The following AXDND1 variants were observed in gnomAD, a reference collection of about 807,000 sequenced individuals.
The protein encoded by AXDND1 is axonemal dynein light chain domain-containing protein 1.
Under a neutral mutation model 137.5 loss-of-function variants are expected in AXDND1, and 110 were observed. That is an observed-to-expected ratio of 0.80 (90% CI 0.69 to 0.94). The LOEUF (loss-of-function observed/expected upper bound fraction) is 0.94. Ranked by LOEUF, AXDND1 falls within the 40% of genes least tolerant of loss-of-function variation. The probability of loss-of-function intolerance (pLI) is 0.00; values close to 1 mark genes in which losing one functional copy is unlikely to be tolerated. For missense variants in AXDND1, 1,191 were observed against 1,169.8 expected (o/e 1.02, Z -0.26); for synonymous variants, 414 against 399.7 (o/e 1.04, Z -0.43).
chr1:179,458,419 A>G (rs368223804), intron 16 of AXDND1, among the ~76,000 whole-genome samples: 1 of 152,218 alleles, frequency 6.6e-6, no homozygotes, highest in African/African-American at 2.4e-5. Context: ...AACCCAGAAA[A>G]CCATAATGTC....
intron 18 of AXDND1, among the ~76,000 whole-genome samples, chr1:179,486,343 T>A (rs1034263017): frequency 3.3e-5 from 5 of 151,966 alleles, no homozygotes; most frequent in African/African-American, 1.2e-4. Flanking sequence ...AAATATCAAA[T>A]ATACAACTCA....
At chr1:179,366,643 G>A (rs752069470) in intron 2 of AXDND1, 37 bp downstream of exon 2, 74 of 1,531,992 alleles carry the variant, frequency 4.8e-5, no homozygotes, top group Non-Finnish European at 6.5e-5. Context: ...AAACAGTCAT[G>A]GCCGTAAGAC....
chr1:179,369,720 G>A (rs889076051), intron 3 of AXDND1, among the ~76,000 whole-genome samples: 1 of 152,018 alleles, frequency 6.6e-6, no homozygotes, highest in African/African-American at 2.4e-5. Context: ...TGTTTCCAAG[G>A]CTTGAGTATT....
chr1:179,366,654 A>G, intron 2 of AXDND1, 48 bp downstream of exon 2: 1 of 1,477,444 alleles, frequency 6.8e-7, no homozygotes, highest in Non-Finnish European at 9.4e-7. Context: ...GCCGTAAGAC[A>G]GAAATCACCT....
intron 16 of AXDND1, chr1:179,451,456 A>G (rs942800878): frequency 2.0e-5 from 3 of 152,138 alleles, no homozygotes; most frequent in Non-Finnish European, 4.4e-5. Context: ...TTCTTGGTCA[A>G]ACTAGCTAAA....
intron 6 of AXDND1, among the ~76,000 whole-genome samples, chr1:179,379,755 C>A (rs1210281820): frequency 7.1e-6 from 1 of 140,008 alleles, no homozygotes; most frequent in Non-Finnish European, 1.5e-5. Context: ...AAGATTGCAC[C>A]ATTACACTCC....
intron 25 of AXDND1, among the ~76,000 whole-genome samples, chr1:179,541,010 C>T (rs1048562397): frequency 5.9e-5 from 9 of 152,126 alleles, no homozygotes; most frequent in Admixed American, 3.3e-4. Flanking sequence ...TCAGCAATAG[C>T]GAACGCTCTT....
intron 17 of AXDND1, among the ~76,000 whole-genome samples, chr1:179,480,862 A>G (rs1665276783): frequency 6.6e-6 from 1 of 151,448 alleles, no homozygotes; most frequent in African/African-American, 2.4e-5. Context: ...CCAAGCTGTT[A>G]AACTTCACTA....
intron 9 of AXDND1, among the ~76,000 whole-genome samples, chr1:179,387,411 A>C (rs1260943596): frequency 6.6e-6 from 1 of 152,164 alleles, no homozygotes; most frequent in Non-Finnish European, 1.5e-5. Flanking sequence ...TCCTGCAATA[A>C]TGGCATTAGT....
chr1:179,391,161 G>A (rs1650124633), intron 9 of AXDND1, among the ~76,000 whole-genome samples: 1 of 146,806 alleles, frequency 6.8e-6, no homozygotes, highest in Non-Finnish European at 1.5e-5. Flanking sequence ...CTTTTGGAAT[G>A]TCTGTTTACT....
intron 18 of AXDND1, among the ~76,000 whole-genome samples, chr1:179,488,346 G>GTA (rs1666319521): frequency 6.7e-6 from 1 of 148,496 alleles, no homozygotes; most frequent in Admixed American, 6.6e-5. Flanking sequence ...CCTCTCCATA[G>GTA]TATAAGTTTC....
intron 9 of AXDND1, 33 bp downstream of exon 9, chr1:179,385,392 T>C: frequency 6.2e-7 from 1 of 1,612,124 alleles, no homozygotes; most frequent in Non-Finnish European, 8.5e-7. Flanking sequence ...TCCAGTTTCC[T>C]TTTGATTTTT....
At chr1:179,482,518 G>A (rs986139536) in intron 17 of AXDND1, among the ~76,000 whole-genome samples, 8 of 152,154 alleles carry the variant, frequency 5.3e-5, no homozygotes, top group African/African-American at 1.9e-4. Context: ...GGAGCTCTGT[G>A]TTCTTGGCTA....
At chr1:179,409,441 CT>C (rs1192909986) in intron 11 of AXDND1, among the ~76,000 whole-genome samples, 2 of 151,954 alleles carry the variant, frequency 1.3e-5, no homozygotes, top group African/African-American at 4.8e-5. Context: ...TTTGGATGCC[CT>C]TTATTTCTTT....
At chr1:179,519,024 CTT>C (rs1558296252) in intron 21 of AXDND1, among the ~76,000 whole-genome samples, 1 of 152,278 alleles carries the variant, frequency 6.6e-6, no homozygotes, top group South Asian at 2.1e-4. Context: ...ATAAGTGATC[CTT>C]TCTCTCCACA....
intron 20 of AXDND1, among the ~76,000 whole-genome samples, chr1:179,499,795 A>G (rs1197818209): frequency 6.6e-6 from 1 of 152,168 alleles, no homozygotes; most frequent in African/African-American, 2.4e-5. Context: ...TTAGAAAGAT[A>G]GTAGGAAGAG....
At chr1:179,499,609 T>C (rs879941490) in intron 20 of AXDND1, among the ~76,000 whole-genome samples, 2 of 152,156 alleles carry the variant, frequency 1.3e-5, no homozygotes, top group African/African-American at 2.4e-5. Context: ...CATTGAATTA[T>C]ACACTTTAAA....
chr1:179,411,409 A>G, intron 12 of AXDND1, 143 bp downstream of exon 12: 10 of 1,122,306 alleles, frequency 8.9e-6, no homozygotes, highest in Non-Finnish European at 1.2e-5. Flanking sequence ...CAGTGATGTG[A>G]TCTCGGCTCA....
chr1:179,504,656 C>G (rs1032424408), intron 20 of AXDND1, among the ~76,000 whole-genome samples: 1 of 152,112 alleles, frequency 6.6e-6, no homozygotes, highest in African/African-American at 2.4e-5. Flanking sequence ...TGTGCTATGG[C>G]CATTCATTGC....
Sources: allele counts gnomAD v4.1 joint callset (sites outside exome capture counted in the v4.1 genomes callset), GRCh38; gene constraint gnomAD v4.1.1; transcripts MANE v1.5; gene names NCBI Gene and HGNC (gene_info 2026-07-23, HGNC 2026-07-21).